Variants in ENO4 observed in about 807,000 individuals in gnomAD.
The protein encoded by ENO4 is 2-phospho-D-glycerate hydro-lyase.
In ENO4, 53 loss-of-function variants were observed where a neutral mutation model predicts 63.2. That is an observed-to-expected ratio of 0.84 (90% CI 0.67 to 1.05). The LOEUF is 1.05. Ranked by LOEUF, ENO4 falls within the 50% of genes least tolerant of loss-of-function variation. ENO4 has a pLI of 0.00. For missense variants in ENO4, 719 were observed against 772.0 expected (o/e 0.93, Z 0.81); for synonymous variants, 266 against 283.8 (o/e 0.94, Z 0.63).
At chr10:116,890,919 G>A (rs565758010) in intron 10 of ENO4, among the ~76,000 whole-genome samples, 4 of 152,288 alleles carry the variant, frequency 2.6e-5, no homozygotes, top group East Asian at 1.9e-4. Flanking sequence ...AAAGGACATC[G>A]TTTGCATTCA....
chr10:116,849,743 G>C lies in ENO4; in HGVS notation c.165+12G>C, dbSNP rs1173300380. ...TCTACGGGCACCTGGTAGGGACCTG[G>C]GACAAGCGCTCTCCTCCCGCCAACC... On this transcript the variant is annotated intron_variant, in intron 1 of 13. Transcript: ENST00000341276. 7.3e-6 allele frequency: 11 copies of C among 1,498,056 alleles called. No individual in the cohort carries two copies. Among genetic ancestry groups the C allele is most frequent in the Non-Finnish European group, 9.8e-6 (11 of 1,119,964 alleles). 92.8% of individuals were successfully genotyped at this position (1,498,056 alleles called of 1,614,324 possible). A position where few individuals can be genotyped will look rare whatever the true frequency, so the allele number is the denominator to read the frequency against.
intron 1 of ENO4, 40 bp downstream of exon 1, chr10:116,849,771 T>A: frequency 6.8e-7 from 1 of 1,461,244 alleles, no homozygotes; most frequent in Non-Finnish European, 9.1e-7. Flanking sequence ...CGCCAACCCC[T>A]CTCCCCCCGC....
At chr10:116,880,433 T>C (rs550045474) in intron 13 of ENO4, among the ~76,000 whole-genome samples, 1 of 152,356 alleles carries the variant, frequency 6.6e-6, no homozygotes, top group African/African-American at 2.4e-5. Context: ...GAGAAATCGA[T>C]CATTTAATGA....
chr10:116,907,895 T>G (rs1459294162), intron 10 of ENO4: 1 of 518,420 alleles, frequency 1.9e-6, no homozygotes, highest in South Asian at 1.4e-5. Flanking sequence ...GCCTTAATCC[T>G]GCTCCCTCCC....
At chr10:116,862,184 C>A (rs575777819) in intron 6 of ENO4, among the ~76,000 whole-genome samples, 3 of 152,184 alleles carry the variant, frequency 2.0e-5, no homozygotes, top group African/African-American at 7.2e-5. Flanking sequence ...TCTAGGCTGG[C>A]CAGGCATGGT....
chr10:116,871,042 AT>A, intron 8 of ENO4, 82 bp from the exon 9 acceptor site: 1 of 1,229,940 alleles, frequency 8.1e-7, no homozygotes, highest in Non-Finnish European at 1.1e-6. Context: ...GCTATATCTG[AT>A]CATAAACCAT....
At chr10:116,851,364 G>A (rs959091713) in intron 1 of ENO4, among the ~76,000 whole-genome samples, 1 of 152,158 alleles carries the variant, frequency 6.6e-6, no homozygotes. Flanking sequence ...CTTTGGCTTG[G>A]ACTTCGAAGG....
At chr10:116,876,453 C>T (rs1338589717) in intron 11 of ENO4, among the ~76,000 whole-genome samples, 193 bp downstream of exon 11, 1 of 152,276 alleles carries the variant, frequency 6.6e-6, no homozygotes, top group Non-Finnish European at 1.5e-5. Flanking sequence ...GTTCCACTAA[C>T]AGCCCAATTC....
rs955409070 is a variant in ENO4 at position 116,875,776 on chromosome 10, G to A, written c.1342-289G>A. On this transcript the variant is annotated intron_variant, in intron 10 of 13. Coordinates refer to ENST00000341276, the MANE Select transcript of ENO4 (RefSeq NM_001242699.2). ...CAGCATTATAGACAAGAGTGGATGG[G>A]AATAGCCTGGGTCTGAAGAACTCTA... Among the ~76,000 whole-genome samples, 5 of 152,228 alleles carry A rather than the reference G, an allele frequency of 3.3e-5. No individual in the cohort carries two copies. The South Asian group carries it at 1.0e-3, about 32-fold the overall frequency.
chr10:116,892,610 T>C (rs1470023381), intron 10 of ENO4, among the ~76,000 whole-genome samples: 1 of 152,212 alleles, frequency 6.6e-6, no homozygotes, highest in Non-Finnish European at 1.5e-5. Flanking sequence ...TTCAGGAAAA[T>C]ACTGTTTTAA....
chr10:116,853,129 A>G (rs2133242393), intron 1 of ENO4, among the ~76,000 whole-genome samples: 1 of 152,154 alleles, frequency 6.6e-6, no homozygotes, highest in South Asian at 2.1e-4. Flanking sequence ...CCCTGTCTCT[A>G]CTAAAAATAC....
Position 116,879,911 on chromosome 10 carries a change from T to A in ENO4, c.1648T>A (p.Ser550Thr). Residue 550 changes from serine (S) to threonine (T), a missense_variant, in exon 13 of 14, where the codon TCC (serine) becomes ACC (threonine). Around this residue, in one of 3 missense-constraint regions of ENO4, gnomAD observed 168 missense variants for 163.3 expected, o/e 1.03. Transcript: ENST00000341276. ...CCGGTTCATCAAGTTGGGGGGTCTT[T>A]CCCGTGGTGAACGAGTGACTAAATA... ...GVRFIKLGGL[S>T]RGERVTKYNR... 1.3e-6 allele frequency: 2 copies of A among 1,550,714 alleles called. No individual in the cohort carries two copies. The highest frequency in any genetic ancestry group is 1.7e-6 in the Non-Finnish European group (2 of 1,147,026).
At chr10:116,901,120 C>T (rs890618440) in intron 10 of ENO4, 2 of 985,222 alleles carry the variant, frequency 2.0e-6, no homozygotes, top group Admixed American at 6.1e-5. Context: ...AGCTGACATC[C>T]TGGCAAGAGA....
chr10:116,900,859 A>G, intron 10 of ENO4: 2 of 984,782 alleles, frequency 2.0e-6, no homozygotes, highest in Non-Finnish European at 2.4e-6. Context: ...TCCAGAAGAG[A>G]AAAAAAAGTT....
Position 116,849,732 on chromosome 10 carries a change from G to A in ENO4, c.165+1G>A. ...GCCTGCCGACGTCTACGGGCACCTG[G>A]TAGGGACCTGGGACAAGCGCTCTCC... is the stretch of plus-strand genomic sequence containing the variant. On this transcript the variant is annotated splice_donor_variant, in intron 1 of 13. Transcript: ENST00000341276. LOFTEE classifies it high-confidence loss of function. 2.0e-6 allele frequency: 3 copies of A among 1,520,106 alleles called. No individual in the cohort carries two copies. In the South Asian group the frequency reaches 3.8e-5, roughly 19 times the overall value. The allele number at this position is 1,520,106 out of a possible 1,614,324, so 94.2% of individuals were successfully genotyped here. A position where few individuals can be genotyped will look rare whatever the true frequency, so the allele number is the denominator to read the frequency against.
chr10:116,879,344 A>C lies in ENO4; in HGVS notation c.1591A>C (p.Ser531Arg), dbSNP rs1367396133. 2.6e-6 allele frequency: 4 copies of C among 1,550,018 alleles called. No homozygotes were observed. ...GSTEGESSDD[S>R]LVDLAVGLGV... ...TACAGAAGGAGAATCATCTGATGAC[A>C]GCCTTGTCGATTTGGTAAGTGCTGA... The change falls in exon 12 of 14, where the codon AGC becomes CGC. Residue 531 changes from serine to arginine, a missense_variant. By Grantham distance (110) the Ser-to-Arg change is moderately radical. Around this residue, in one of 3 missense-constraint regions of ENO4, gnomAD observed 168 missense variants for 163.3 expected, o/e 1.03. Coordinates refer to ENST00000341276, the MANE Select transcript of ENO4 (RefSeq NM_001242699.2).
intron 4 of ENO4, 144 bp from the exon 5 acceptor site, chr10:116,860,650 A>G: frequency 1.9e-6 from 1 of 536,592 alleles, no homozygotes; most frequent in Non-Finnish European, 3.0e-6. Context: ...CTTAAGCAAA[A>G]GCAAACAGAA....
intron 11 of ENO4, among the ~76,000 whole-genome samples, chr10:116,877,099 A>G (rs1846859353): frequency 6.6e-6 from 1 of 152,138 alleles, no homozygotes; most frequent in African/African-American, 2.4e-5. Context: ...GCTACAATGT[A>G]GTGTTCAAGC....
At chr10:116,905,758 G>A (rs960986004) in intron 10 of ENO4, among the ~76,000 whole-genome samples, 30 of 152,280 alleles carry the variant, frequency 2.0e-4, no homozygotes, top group African/African-American at 7.0e-4. Context: ...CATTAGCTGC[G>A]ATTGCTGATT....
Sources: allele counts gnomAD v4.1 joint callset (sites outside exome capture counted in the v4.1 genomes callset), GRCh38; gene constraint gnomAD v4.1.1; regional missense constraint gnomAD v4.1.1; transcripts MANE v1.5; gene names NCBI Gene and HGNC (gene_info 2026-07-23, HGNC 2026-07-21).